The following KIF6 variants were observed in gnomAD, a reference collection of about 807,000 sequenced individuals.
The protein encoded by KIF6 is kinesin-like protein KIF6.
A neutral mutation model predicts 112.7 loss-of-function variants in KIF6; 106 were observed. The ratio of observed to expected loss-of-function variants is 0.94; its 90% CI spans 0.80 to 1.11. The LOEUF is 1.11. Among genes scored for constraint, KIF6 ranks in the 50% least tolerant of loss-of-function variants. The pLI, the probability that KIF6 is intolerant of heterozygous loss-of-function variation, is 0.00. For synonymous variants in KIF6, 339 were observed against 339.9 expected (o/e 1.00, Z 0.03); for missense variants, 929 against 964.0 (o/e 0.96, Z 0.48).
intron 15 of KIF6, among the ~76,000 whole-genome samples, chr6:39,417,215 AGGC>A (rs1769984299): frequency 1.3e-5 from 2 of 152,180 alleles, no homozygotes; most frequent in African/African-American, 4.8e-5. Context: ...TCGTGATGGC[AGGC>A]TACTCCCTGA....
intron 3 of KIF6, chr6:39,691,259 A>G (rs181468168): frequency 6.6e-6 from 1 of 152,238 alleles, no homozygotes; most frequent in Non-Finnish European, 1.5e-5. Context: ...AAGGCTAAGA[A>G]AAAAGATACA....
At chr6:39,689,724 C>T (rs1407652740) in intron 3 of KIF6, among the ~76,000 whole-genome samples, 2 of 152,106 alleles carry the variant, frequency 1.3e-5, no homozygotes, top group East Asian at 3.9e-4. Flanking sequence ...CCCCACTCAG[C>T]CTCCCAAGTA....
chr6:39,575,308 T>C (rs916212293), intron 10 of KIF6, among the ~76,000 whole-genome samples: 1 of 151,544 alleles, frequency 6.6e-6, no homozygotes, highest in African/African-American at 2.4e-5. Context: ...TCTCACTCTG[T>C]TGCCCAGGCC....
At chr6:39,612,888 C>T (rs909951245) in intron 6 of KIF6, among the ~76,000 whole-genome samples, 1 of 152,030 alleles carries the variant, frequency 6.6e-6, no homozygotes. Flanking sequence ...AATTTGTATA[C>T]AACTTAGAAT....
intron 5 of KIF6, among the ~76,000 whole-genome samples, chr6:39,627,786 A>G (rs994330489): frequency 6.6e-6 from 1 of 152,168 alleles, no homozygotes; most frequent in East Asian, 1.9e-4. Context: ...CCTATTTAGG[A>G]ATACTAAAAT....
At chr6:39,590,384 T>C (rs1232963318) in intron 7 of KIF6, among the ~76,000 whole-genome samples, 1 of 150,500 alleles carries the variant, frequency 6.6e-6, no homozygotes. Flanking sequence ...AATATGCTTA[T>C]TAAACTTCTT....
chr6:39,506,487 C>G (rs1178808148), intron 13 of KIF6, among the ~76,000 whole-genome samples: 1 of 152,096 alleles, frequency 6.6e-6, no homozygotes, highest in Non-Finnish European at 1.5e-5. Flanking sequence ...CCTGCATATC[C>G]TGCACATGTA....
At chr6:39,528,276 C>A (rs1777847397) in intron 13 of KIF6, among the ~76,000 whole-genome samples, 1 of 152,124 alleles carries the variant, frequency 6.6e-6, no homozygotes, top group African/African-American at 2.4e-5. Flanking sequence ...TCTATGTTGT[C>A]ACAAATGGCA....
chr6:39,583,000 A>G (rs998786670), intron 9 of KIF6, among the ~76,000 whole-genome samples: 5 of 152,210 alleles, frequency 3.3e-5, no homozygotes, highest in Non-Finnish European at 5.9e-5. Flanking sequence ...TTGTTCAATT[A>G]TCAGCTATTA....
intron 6 of KIF6, among the ~76,000 whole-genome samples, chr6:39,604,004 A>G (rs1345006658): frequency 6.6e-6 from 1 of 152,128 alleles, no homozygotes; most frequent in East Asian, 1.9e-4. Flanking sequence ...TATAAAGCAT[A>G]TGCCTGAGAC....
At chr6:39,453,176 A>G (rs868416367) in intron 13 of KIF6, among the ~76,000 whole-genome samples, 1 of 152,196 alleles carries the variant, frequency 6.6e-6, no homozygotes, top group Non-Finnish European at 1.5e-5. Flanking sequence ...CTGTTTCATT[A>G]ATGGTCTTTG....
chr6:39,583,125 C>T, intron 9 of KIF6: 2 of 253,730 alleles, frequency 7.9e-6, no homozygotes, highest in Non-Finnish European at 1.6e-5. Flanking sequence ...AAATCTCTAG[C>T]CAAATGCAAA....
rs551312368 is a variant in KIF6 at position 39,509,606 on chromosome 6, C to A, written c.1645+30397G>T. ...AATACACAAGCTTCAATAGCTGATT[C>A]GATCAAGTGGAAGAAAGGATATCAG... On this transcript the variant is annotated intron_variant, in intron 13 of 22. Transcript: ENST00000287152. Among the ~76,000 whole-genome samples, 29 of 152,066 alleles carry A rather than the reference C, an allele frequency of 1.9e-4. 1 individual carries two copies. The East Asian group carries it at 4.2e-3, about 22-fold the overall frequency.
intron 10 of KIF6, among the ~76,000 whole-genome samples, chr6:39,568,991 C>G (rs1434212862): frequency 6.6e-6 from 1 of 152,136 alleles, no homozygotes; most frequent in East Asian, 1.9e-4. Context: ...CTCTCTCTCT[C>G]CAGGTCTACT....
rs1416078083 is a variant in KIF6, at chr6:39,698,870, A to G, written c.251+15822T>C. ...GCATGGCTCTATAATGGGAATTTTC[A>G]TTAATTAAAATCAATGGAAATACAA... On this transcript the variant is annotated intron_variant, in intron 3 of 22. Transcript: ENST00000287152. Among the ~76,000 whole-genome samples, 6 of 152,354 alleles carry G rather than the reference A, an allele frequency of 3.9e-5. No individual in the cohort carries two copies. In the East Asian group the frequency reaches 5.8e-4, roughly 15 times the overall value.
At chr6:39,618,610 A>C (rs753159374) in intron 5 of KIF6, among the ~76,000 whole-genome samples, 2 of 152,188 alleles carry the variant, frequency 1.3e-5, no homozygotes, top group African/African-American at 4.8e-5. Flanking sequence ...GCCATGCCAG[A>C]CTAGTGTTAA....
At chr6:39,585,096 G>A in intron 8 of KIF6, 112 bp from the exon 9 acceptor site, 1 of 648,062 alleles carries the variant, frequency 1.5e-6, no homozygotes, top group Non-Finnish European at 2.7e-6. Flanking sequence ...AAAGTGATGT[G>A]TATAAAACTC....
intron 16 of KIF6, among the ~76,000 whole-genome samples, chr6:39,367,050 C>T (rs1232264379): frequency 2.6e-5 from 4 of 152,100 alleles, no homozygotes; most frequent in Admixed American, 2.6e-4. Flanking sequence ...CAGCACACTC[C>T]ACGACACAAA....
At chr6:39,660,631 C>T (rs974771722) in intron 3 of KIF6, among the ~76,000 whole-genome samples, 1 of 151,764 alleles carries the variant, frequency 6.6e-6, no homozygotes, top group Admixed American at 6.6e-5. Context: ...TTTTTTTGAG[C>T]TAAGGAGCCC....
Sources: allele counts gnomAD v4.1 joint callset (sites outside exome capture counted in the v4.1 genomes callset), GRCh38; gene constraint gnomAD v4.1.1; transcripts MANE v1.5; gene names NCBI Gene and HGNC (gene_info 2026-07-23, HGNC 2026-07-21).